Variants in DAB1 observed in about 807,000 individuals in gnomAD.
DAB1 encodes the protein DAB adaptor protein 1, also known as disabled homolog 1.
DAB1 carries 15 observed loss-of-function variants against 64.6 expected under a neutral mutation model. The observed-to-expected ratio is 0.23, with a 90% CI of 0.16 to 0.36. The LOEUF is 0.36. Among genes scored for constraint, DAB1 ranks in the 10% least tolerant of loss-of-function variants. The probability of loss-of-function intolerance (pLI) is 1.00; values close to 1 mark genes in which losing one functional copy is unlikely to be tolerated. For synonymous variants in DAB1, 235 were observed against 251.9 expected (o/e 0.93, Z 0.64); for missense variants, 596 against 706.7 (o/e 0.84, Z 1.78).
At chr1:57,432,968 T>G (rs965478879) in intron 7 of DAB1, among the ~76,000 whole-genome samples, 4 of 152,152 alleles carry the variant, frequency 2.6e-5, no homozygotes, top group African/African-American at 9.6e-5. Flanking sequence ...AATGAAAACT[T>G]AAAATATCAT....
chr1:57,418,670 G>A (rs940576260), intron 1 of DAB1, among the ~76,000 whole-genome samples: 1 of 152,050 alleles, frequency 6.6e-6, no homozygotes, highest in Non-Finnish European at 1.5e-5. Flanking sequence ...CTATTCAGCA[G>A]AATTTTATTT....
At chr1:57,119,833 T>C in intron 4 of DAB1, among the ~76,000 whole-genome samples, 1 of 152,122 alleles carries the variant, frequency 6.6e-6, no homozygotes, top group East Asian at 1.9e-4. Context: ...ATTCCGACCT[T>C]GGGAAACAGT....
At chr1:58,151,848 AG>A (rs1654956416) in intron 4 of DAB1, among the ~76,000 whole-genome samples, 1 of 152,226 alleles carries the variant, frequency 6.6e-6, no homozygotes, top group Admixed American at 6.5e-5. Context: ...AAGTGGTAAA[AG>A]TCTATCCATT....
intron 3 of DAB1, among the ~76,000 whole-genome samples, chr1:58,501,771 T>C (rs1239009518): frequency 6.6e-6 from 1 of 152,172 alleles, no homozygotes; most frequent in East Asian, 1.9e-4. Context: ...AAAATTCATA[T>C]TTTGAAGTCC....
intron 4 of DAB1, among the ~76,000 whole-genome samples, chr1:58,211,984 G>C (rs141093902): frequency 6.6e-6 from 1 of 152,224 alleles, no homozygotes; most frequent in African/African-American, 2.4e-5. Flanking sequence ...CAAAATAGCT[G>C]TGATCCCCTG....
In DAB1 at chr1:57,374,703, C is replaced by A. The variant is rs576415130; in HGVS notation, c.-137+49227G>T. Among the ~76,000 whole-genome samples the A allele has an allele frequency of 5.9e-5, 9 of 152,318 alleles. No individual in the cohort carries two copies. The South Asian group carries it at 1.5e-3, about 25-fold the overall frequency. On this transcript the variant is annotated intron_variant, in intron 1 of 14. Coordinates refer to ENST00000371236, the MANE Select transcript of DAB1 (RefSeq NM_001365792.1). ...TTGGCTCTGCATGGGTAGCTCTAAA[C>A]CCCTGGCTGCACACTACAATCATTT... is the stretch of plus-strand genomic sequence containing the variant.
chr1:57,247,800 T>G (rs1669001270), intron 2 of DAB1, among the ~76,000 whole-genome samples: 1 of 152,188 alleles, frequency 6.6e-6, no homozygotes, highest in Non-Finnish European at 1.5e-5. Flanking sequence ...TGGATGCTCT[T>G]TTATGCCCAT....
chr1:57,902,544 C>G (rs141426641), intron 5 of DAB1, among the ~76,000 whole-genome samples: 1 of 152,120 alleles, frequency 6.6e-6, no homozygotes, highest in African/African-American at 2.4e-5. Context: ...AATCAAGGGC[C>G]ATGTTTTGCA....
intron 6 of DAB1, among the ~76,000 whole-genome samples, chr1:57,812,319 C>CAAAAAAA (rs67005172): frequency 9.9e-6 from 1 of 101,212 alleles, no homozygotes; most frequent in Non-Finnish European, 2.0e-5. Flanking sequence ...GATTCATTGC[C>CAAAAAAA]AAAAAAAAAA....
intron 2 of DAB1, among the ~76,000 whole-genome samples, chr1:57,285,157 A>T (rs1672211781): frequency 6.6e-6 from 1 of 152,232 alleles, no homozygotes; most frequent in South Asian, 2.1e-4. Flanking sequence ...GTGATGGTGA[A>T]CTGTGATTTC....
intron 2 of DAB1, among the ~76,000 whole-genome samples, chr1:57,151,083 A>G (rs1462086625): frequency 6.6e-6 from 1 of 152,188 alleles, no homozygotes; most frequent in Non-Finnish European, 1.5e-5. Context: ...AAAACACAGT[A>G]CTAGAGGGCA....
rs367833569 is a variant in DAB1, at chr1:57,021,138, C to T, written c.895+2393G>A. Among the ~76,000 whole-genome samples, 203 of 152,296 alleles carry T rather than the reference C, an allele frequency of 1.3e-3. 3 individuals carry two copies. In the South Asian group the frequency reaches 0.04, roughly 30 times the overall value. ...ACTAGAGTCAGAAAGCAAAAACATG[C>T]TAATTGAAATTAATTTTAGACTCGT... On this transcript the variant is annotated intron_variant, in intron 11 of 14. Transcript: ENST00000371236.
intron 1 of DAB1, among the ~76,000 whole-genome samples, chr1:57,379,785 A>C (rs1397386027): frequency 6.6e-6 from 1 of 152,218 alleles, no homozygotes; most frequent in Non-Finnish European, 1.5e-5. Flanking sequence ...TACCTCTCTC[A>C]GCATTTTGCA....
At chr1:57,943,199 C>G (rs1458171503) in intron 5 of DAB1, among the ~76,000 whole-genome samples, 1 of 152,114 alleles carries the variant, frequency 6.6e-6, no homozygotes. Context: ...TAAGTAAGAG[C>G]TGGAGATATT....
intron 7 of DAB1, among the ~76,000 whole-genome samples, chr1:57,511,396 G>T (rs1644403722): frequency 6.6e-6 from 1 of 152,128 alleles, no homozygotes; most frequent in African/African-American, 2.4e-5. Context: ...CTGGGCCTTT[G>T]AGTTTGCATG....
At chr1:57,933,190 A>G (rs898796718) in intron 5 of DAB1, among the ~76,000 whole-genome samples, 3 of 152,226 alleles carry the variant, frequency 2.0e-5, no homozygotes, top group South Asian at 2.1e-4. Flanking sequence ...TTTATCAATT[A>G]CAATTCAGGA....
At chr1:58,291,933 T>G (rs370009000) in intron 4 of DAB1, among the ~76,000 whole-genome samples, 1 of 152,208 alleles carries the variant, frequency 6.6e-6, no homozygotes, top group South Asian at 2.1e-4. Flanking sequence ...TGTTTCTGGA[T>G]GAGATTATCA....
chr1:58,022,177 C>T (rs1325758407), intron 5 of DAB1, among the ~76,000 whole-genome samples: 2 of 152,144 alleles, frequency 1.3e-5, no homozygotes, highest in Non-Finnish European at 2.9e-5. Flanking sequence ...AACTTTTCCC[C>T]AAAGCATTAC....
intron 3 of DAB1, among the ~76,000 whole-genome samples, chr1:58,357,927 A>G (rs1644127013): frequency 6.6e-6 from 1 of 152,104 alleles, no homozygotes; most frequent in South Asian, 2.1e-4. Context: ...TATGAGACCA[A>G]TTAGGTGTCA....
Sources: allele counts gnomAD v4.1 joint callset (sites outside exome capture counted in the v4.1 genomes callset), GRCh38; gene constraint gnomAD v4.1.1; transcripts MANE v1.5; gene names NCBI Gene and HGNC (gene_info 2026-07-23, HGNC 2026-07-21).